GAN: variants seen among roughly 807,000 people sequenced by gnomAD.
The protein encoded by GAN is epididymis secretory sperm binding protein.
A neutral mutation model predicts 71.3 loss-of-function variants in GAN; 48 were observed. The observed-to-expected ratio is 0.67, with a 90% CI of 0.53 to 0.86. The LOEUF (loss-of-function observed/expected upper bound fraction) is 0.86. GAN is among the 40% of genes least tolerant of loss of function. The pLI, the probability that GAN is intolerant of heterozygous loss-of-function variation, is 0.00. For synonymous variants in GAN, 386 were observed against 276.8 expected (o/e 1.39, Z -3.92); for missense variants, 928 against 770.1 (o/e 1.21, Z -2.43).
At chr16:81,362,837 C>G (rs1160001973) in intron 6 of GAN, among the ~76,000 whole-genome samples, 2 of 152,200 alleles carry the variant, frequency 1.3e-5, no homozygotes, top group African/African-American at 4.8e-5. Flanking sequence ...TCACCCCAGC[C>G]TTCACATTTA....
chr16:81,326,412 A>C (rs1909390021), intron 1 of GAN, among the ~76,000 whole-genome samples: 1 of 151,670 alleles, frequency 6.6e-6, no homozygotes, highest in Non-Finnish European at 1.5e-5. Flanking sequence ...ACATGCCTGT[A>C]ATCCCAGCTA....
chr16:81,372,351 TCA>T (rs76377540), intron 9 of GAN, among the ~76,000 whole-genome samples: 3,790 of 152,342 alleles, frequency 0.025, 120 homozygotes, highest in East Asian at 0.14. Context: ...CATTTCATCC[TCA>T]CAACAGTCAT....
intron 2 of GAN, among the ~76,000 whole-genome samples, chr16:81,352,884 T>C (rs1597400541): frequency 6.6e-6 from 1 of 152,338 alleles, no homozygotes; most frequent in African/African-American, 2.4e-5. Context: ...GCAGCAGTTA[T>C]TAGTATAATG....
intron 1 of GAN, among the ~76,000 whole-genome samples, chr16:81,325,380 A>G (rs374952402): frequency 3.3e-5 from 5 of 152,210 alleles, no homozygotes; most frequent in African/African-American, 1.2e-4. Flanking sequence ...CAGCAGGGCC[A>G]TTGAGGCAGA....
chr16:81,357,023 G>A (rs1910512189), intron 4 of GAN, 21 bp downstream of exon 4: 1 of 1,403,228 alleles, frequency 7.1e-7, no homozygotes, highest in Non-Finnish European at 1.0e-6. Flanking sequence ...GGTGGGACTT[G>A]TTTGAAAAGT....
chr16:81,342,070 C>G (rs1211583904), intron 1 of GAN, among the ~76,000 whole-genome samples: 1 of 152,184 alleles, frequency 6.6e-6, no homozygotes, highest in African/African-American at 2.4e-5. Context: ...ATCTATTCAA[C>G]AAGAAGAGCT....
chr16:81,319,391 G>T (rs1366127199), intron 1 of GAN, among the ~76,000 whole-genome samples: 1 of 151,668 alleles, frequency 6.6e-6, no homozygotes, highest in Non-Finnish European at 1.5e-5. Context: ...CATGTCTGAG[G>T]CTCTTCCGAT....
chr16:81,353,499 C>A lies in GAN; in HGVS notation c.283-906C>A, dbSNP rs74870458. 4.5e-3 allele frequency among the ~76,000 whole-genome samples: 687 copies of A among 152,280 alleles called. 16 individuals carry two copies. In the East Asian group the frequency reaches 0.053, roughly 12 times the overall value. ...GGCTTACTCACCATACTACTTTCCA[C>A]ATTTTTGTTGCTCAGTTTCTAAGAT... On this transcript the variant is annotated intron_variant, in intron 2 of 10. Transcript: ENST00000648994.
chr16:81,369,822 G>T (rs542063563), intron 9 of GAN, among the ~76,000 whole-genome samples: 2 of 151,830 alleles, frequency 1.3e-5, no homozygotes, highest in Admixed American at 6.6e-5. Context: ...TGCCCGCCTC[G>T]GCCTCCCAAA....
At position 81,378,800 on chromosome 16, in the gene GAN, T is replaced by G. The variant is rs1904290999; in HGVS notation, c.*1204T>G. ...TTAATCTTTTCCTCCTTCCCTCCTT[T>G]CCTATCTCTCATTCTCACCTCAACC... is the stretch of plus-strand genomic sequence containing the variant. On this transcript the variant is annotated 3_prime_UTR_variant, in exon 11 of 11. Transcript: ENST00000648994. 1 of 152,576 alleles carries G rather than the reference T, an allele frequency of 6.6e-6. No homozygotes were observed. The highest frequency in any genetic ancestry group is 6.6e-5 in the Admixed American group (1 of 15,266). The allele number at this position is 152,576 out of a possible 1,614,324, so 9.5% of individuals were successfully genotyped here. A position where few individuals can be genotyped will look rare whatever the true frequency, so the allele number is the denominator to read the frequency against.
At chr16:81,317,929 A>G (rs1266199114) in intron 1 of GAN, among the ~76,000 whole-genome samples, 1 of 152,140 alleles carries the variant, frequency 6.6e-6, no homozygotes, top group East Asian at 1.9e-4. Flanking sequence ...TCAGTGACAG[A>G]TGAATTGCTT....
chr16:81,332,681 AGT>A (rs1272310559), intron 1 of GAN, among the ~76,000 whole-genome samples: 1 of 152,144 alleles, frequency 6.6e-6, no homozygotes, highest in African/African-American at 2.4e-5. Flanking sequence ...CTTAGTCTCC[AGT>A]GTGTGGTGGT....
At chr16:81,348,338 G>A (rs1262568397) in intron 1 of GAN, among the ~76,000 whole-genome samples, 3 of 151,994 alleles carry the variant, frequency 2.0e-5, no homozygotes, top group Non-Finnish European at 4.4e-5. Context: ...GGAAGATTAC[G>A]ATGAATTTTT....
At chr16:81,363,175 T>C (rs1330124195) in intron 6 of GAN, among the ~76,000 whole-genome samples, 1 of 152,262 alleles carries the variant, frequency 6.6e-6, no homozygotes, top group Non-Finnish European at 1.5e-5. Flanking sequence ...CAGCCCTTTC[T>C]GCCATAGTTT....
At chr16:81,322,189 C>T (rs1382172906) in intron 1 of GAN, among the ~76,000 whole-genome samples, 5 of 152,178 alleles carry the variant, frequency 3.3e-5, no homozygotes, top group South Asian at 4.1e-4. Context: ...AATAGAAATA[C>T]GTAGTACTTT....
chr16:81,358,724 A>C (rs1223305115), intron 5 of GAN, among the ~76,000 whole-genome samples: 2 of 152,216 alleles, frequency 1.3e-5, no homozygotes, highest in Non-Finnish European at 2.9e-5. Context: ...TACAAGTTTG[A>C]AAACTGCTCT....
At chr16:81,353,016 G>T (rs1284574825) in intron 2 of GAN, among the ~76,000 whole-genome samples, 1 of 152,242 alleles carries the variant, frequency 6.6e-6, no homozygotes, top group Non-Finnish European at 1.5e-5. Flanking sequence ...TTGGGGCCGG[G>T]CGCGGTGGCT....
At chr16:81,373,737 G>A (rs1345626165) in intron 9 of GAN, among the ~76,000 whole-genome samples, 2 of 152,098 alleles carry the variant, frequency 1.3e-5, no homozygotes, top group Non-Finnish European at 2.9e-5. Context: ...CCTTTAATCT[G>A]TGATAGTTCT....
At chr16:81,354,381 A>G (rs1247407199) in intron 2 of GAN, 24 bp from the exon 3 acceptor site, 62 of 1,447,464 alleles carry the variant, frequency 4.3e-5, no homozygotes, top group Non-Finnish European at 5.6e-5. Context: ...ATTCAAATAT[A>G]AGATAATTAT....
Sources: allele counts gnomAD v4.1 joint callset (sites outside exome capture counted in the v4.1 genomes callset), GRCh38; gene constraint gnomAD v4.1.1; transcripts MANE v1.5; gene names NCBI Gene and HGNC (gene_info 2026-07-23, HGNC 2026-07-21).